The following DSC1 variants were observed in gnomAD, a reference collection of about 807,000 sequenced individuals.
DSC1 encodes desmocollin-1.
In DSC1, 79 loss-of-function variants were observed where a neutral mutation model predicts 98.8. The ratio of observed to expected loss-of-function variants is 0.80; its 90% CI spans 0.67 to 0.96. The LOEUF (loss-of-function observed/expected upper bound fraction) is 0.96. Among genes scored for constraint, DSC1 ranks in the 50% least tolerant of loss-of-function variants. The pLI is 0.00. For synonymous variants in DSC1, 405 were observed against 372.1 expected (o/e 1.09, Z -1.02); for missense variants, 1,115 against 1,075.9 (o/e 1.04, Z -0.51).
chr18:31,143,179 C>T (rs983843760), intron 8 of DSC1, among the ~76,000 whole-genome samples: 3 of 151,552 alleles, frequency 2.0e-5, no homozygotes, highest in African/African-American at 4.9e-5. Flanking sequence ...TGTTTACCGC[C>T]TAAGGAAAAG....
chr18:31,161,384 A>ATATAAATATATG (rs1568007019), intron 1 of DSC1, among the ~76,000 whole-genome samples: 1 of 149,438 alleles, frequency 6.7e-6, no homozygotes, highest in Admixed American at 6.6e-5. Flanking sequence ...ATATATATAT[A>ATATAAATATATG]AATATATGAG....
chr18:31,134,370 G>A (rs961793706), intron 12 of DSC1, among the ~76,000 whole-genome samples: 1 of 151,700 alleles, frequency 6.6e-6, no homozygotes, highest in Non-Finnish European at 1.5e-5. Context: ...GGACTTATAT[G>A]TTTTCTTAAA....
rs774457500 is a variant in DSC1 at position 31,131,596 on chromosome 18, C to T, written c.2485G>A (p.Glu829Lys). Reference sequence around the variant, plus strand: ...ACCTCAAAGACAGTGGAACTTACTTCGCCAAGCCGAGGTTGGGTGAAACTC... The same window carrying T: ...ACCTCAAAGACAGTGGAACTTACTTTGCCAAGCCGAGGTTGGGTGAAACTC... ...WQSFTQPRLG[E>K]KVYLCGQDEE... The change falls in exon 15 of 16, where the codon GAA becomes AAA. Residue 829 changes from glutamate to lysine, a missense_variant and splice_region_variant. Transcript: ENST00000257198. 1.1e-5 allele frequency: 18 copies of T among 1,613,960 alleles called. No homozygotes were observed. Among genetic ancestry groups the T allele is most frequent in the South Asian group, 5.5e-5 (5 of 91,060 alleles).
At chr18:31,157,667 CAGAAAAAGGG>C (rs1483952029) in intron 2 of DSC1, 94 bp from the exon 3 acceptor site, 67 of 1,354,092 alleles carry the variant, frequency 4.9e-5, no homozygotes, top group Non-Finnish European at 6.6e-5. Context: ...GCATGAGAAG[CAGAAAAAGGG>C]AGGTTACATT....
chr18:31,152,526 A>G (rs777294606), intron 5 of DSC1, among the ~76,000 whole-genome samples: 1 of 152,200 alleles, frequency 6.6e-6, no homozygotes, highest in East Asian at 1.9e-4. Flanking sequence ...TTAAGGACAA[A>G]ATTCTAGAAC....
intron 5 of DSC1, 139 bp downstream of exon 5, chr18:31,154,635 T>C: frequency 1.2e-6 from 1 of 811,662 alleles, no homozygotes; most frequent in Non-Finnish European, 1.8e-6. Context: ...AATAGAAATT[T>C]AAAGTTTATA....
rs866504658 is a variant in DSC1, at chr18:31,158,775, C to T, written c.148+670G>A. 3.0e-4 allele frequency among the ~76,000 whole-genome samples: 46 copies of T among 152,188 alleles called. No homozygotes were observed. In the Middle Eastern group the frequency reaches 0.02, roughly 68 times the overall value. On this transcript the variant is annotated intron_variant, in intron 2 of 15. Coordinates refer to ENST00000257198, the MANE Select transcript of DSC1 (RefSeq NM_024421.2). Reference sequence around the variant, plus strand: ...TATTGGGGGCATTTAGATTTTGAGACATCCATTTCATGTCTAATCAATTGA... The same window carrying T: ...TATTGGGGGCATTTAGATTTTGAGATATCCATTTCATGTCTAATCAATTGA...
intron 1 of DSC1, among the ~76,000 whole-genome samples, chr18:31,160,381 T>C (rs1009345673): frequency 1.3e-5 from 2 of 152,190 alleles, no homozygotes; most frequent in African/African-American, 2.4e-5. Flanking sequence ...TCCAGAAACA[T>C]GTAGGTCAAT....
At chr18:31,140,339 CATT>C in intron 9 of DSC1, 38 bp from the exon 10 acceptor site, 1 of 1,559,772 alleles carries the variant, frequency 6.4e-7, no homozygotes. Context: ...CAATATATAA[CATT>C]ATATATAAGA....
In DSC1 at chr18:31,148,562, A is replaced by G. The variant is rs372827623; in HGVS notation, c.708T>C (p.Asn236=). Residue 236 remains asparagine, a synonymous_variant, in exon 6 of 16, where the codon AAT becomes AAC. Transcript: ENST00000257198. ...TGTGTTCAAAATATGGGGCGTTATC[A>G]TTATCATCTTCAATTTTGATGATCA... ...LPLIIKIEDD[N]DNAPYFEHRV... 4 of 1,612,822 alleles carry G rather than the reference A, an allele frequency of 2.5e-6. No individual in the cohort carries two copies. The highest frequency in any genetic ancestry group is 2.2e-5 in the East Asian group (1 of 44,854).
chr18:31,150,579 G>A (rs1453609777), intron 5 of DSC1, among the ~76,000 whole-genome samples: 25 of 112,974 alleles, frequency 2.2e-4, no homozygotes, highest in African/African-American at 7.6e-4. Flanking sequence ...CATCATCATC[G>A]CCACCGTCAC....
intron 5 of DSC1, among the ~76,000 whole-genome samples, chr18:31,149,950 A>G (rs1988926019): frequency 6.6e-6 from 1 of 151,922 alleles, no homozygotes; most frequent in Admixed American, 6.6e-5. Flanking sequence ...TTATTTATCA[A>G]TAAATTCTAA....
At chr18:31,145,028 C>CTT (rs372270480) in intron 7 of DSC1, among the ~76,000 whole-genome samples, 29 of 151,520 alleles carry the variant, frequency 1.9e-4, no homozygotes, top group African/African-American at 6.3e-4. Context: ...CAAGCTCCGC[C>CTT]TCCCGGGTTC....
chr18:31,130,731 A>G lies in DSC1; in HGVS notation c.2488-20T>C. The G allele has an allele frequency of 6.2e-7, 1 of 1,612,644 alleles. No individual in the cohort carries two copies. Among genetic ancestry groups the G allele is most frequent in the Non-Finnish European group, 8.5e-7 (1 of 1,179,582 alleles). ...CACCTTCTGTATCAAAAAAGAGCAC[A>G]TTTTATTATTTTTTAAAAAACACCT... On this transcript the variant is annotated intron_variant, in intron 15 of 15. Coordinates refer to ENST00000257198, the MANE Select transcript of DSC1 (RefSeq NM_024421.2).
rs1300135165 is a variant in DSC1, at chr18:31,130,527, C to A, written c.2672G>T (p.Cys891Phe). ...TAAAAGGCACATTTATTTCTTGATG[C>A]ATGTCTTTGCTAATGTCCTAAATTT... The part of the protein sequence containing the change: ...EPKFRTLAKT[C>F]IKK The change falls in exon 16 of 16, where the codon TGC becomes TTC. Residue 891 changes from cysteine (C) to phenylalanine (F), a missense_variant. Coordinates refer to ENST00000257198, the MANE Select transcript of DSC1 (RefSeq NM_024421.2). The A allele has an allele frequency of 6.2e-7, 1 of 1,614,110 alleles. No individual in the cohort carries two copies. The highest frequency in any genetic ancestry group is 1.7e-5 in the Admixed American group (1 of 60,012).
At chr18:31,142,656 T>G (rs1006160454) in intron 8 of DSC1, among the ~76,000 whole-genome samples, 14 of 142,608 alleles carry the variant, frequency 9.8e-5, no homozygotes, top group Non-Finnish European at 1.9e-4. Context: ...TTGCAAACCT[T>G]TAGCAGAAAA....
At chr18:31,155,043 T>C (rs1989069738) in intron 4 of DSC1, 114 bp from the exon 5 acceptor site, 1 of 1,247,068 alleles carries the variant, frequency 8.0e-7, no homozygotes, top group Non-Finnish European at 1.1e-6. Flanking sequence ...CTCCTATTCT[T>C]TCTTTCTTCT....
Position 31,162,765 on chromosome 18 carries a change from G to A in DSC1, c.-171C>T, listed in dbSNP as rs535341401. 1.2e-5 allele frequency: 7 copies of A among 593,088 alleles called. No homozygotes were observed. The East Asian group carries it at 1.4e-4, about 12-fold the overall frequency. The allele number at this position is 593,088 out of a possible 1,614,324, so 36.7% of individuals were successfully genotyped here. Reference sequence around the variant, plus strand: ...AGGCAAGTGATAAACAGTAGGAGGAGCAACGGGAGAATTTCTTTCCCCCTA... The same window carrying A: ...AGGCAAGTGATAAACAGTAGGAGGAACAACGGGAGAATTTCTTTCCCCCTA... On this transcript the variant is annotated 5_prime_UTR_variant, in exon 1 of 16. Coordinates refer to ENST00000257198, the MANE Select transcript of DSC1 (RefSeq NM_024421.2).
intron 6 of DSC1, among the ~76,000 whole-genome samples, 198 bp downstream of exon 6, chr18:31,148,300 A>C (rs577721549): frequency 1.3e-5 from 2 of 152,208 alleles, no homozygotes; most frequent in South Asian, 4.1e-4. Flanking sequence ...TAAATTTAAG[A>C]AAGTGTGCTC....
Sources: gnomAD v4.1 joint callset for allele counts (sites outside exome capture counted in the v4.1 genomes callset) on GRCh38, gnomAD v4.1.1 for gene constraint, MANE v1.5 for transcripts, NCBI Gene and HGNC (gene_info 2026-07-23, HGNC 2026-07-21) for gene names.